The following ZNF76 variants were observed in gnomAD, a reference collection of about 807,000 sequenced individuals.
The protein encoded by ZNF76 is zinc finger protein 76.
In ZNF76, 66 loss-of-function variants were observed where a neutral mutation model predicts 66.9. That is an observed-to-expected ratio of 0.99 (90% CI 0.81 to 1.21). The LOEUF is 1.21. Among genes scored for constraint, ZNF76 ranks in the 50% most tolerant of loss-of-function variants. ZNF76 has a pLI of 0.00. For missense variants in ZNF76, 729 were observed against 760.3 expected, an observed-to-expected ratio of 0.96 and a Z score of 0.48; for synonymous variants, 275 against 296.1, an observed-to-expected ratio of 0.93 and a Z score of 0.73.
intron 13 of ZNF76, 158 bp downstream of exon 13, chr6:35,294,727 C>G (rs988714414): frequency 5.8e-6 from 4 of 688,250 alleles, no homozygotes; most frequent in Non-Finnish European, 1.0e-5. Context: ...ATGCATCTGT[C>G]TCAGGCTCGC....
rs914962242 is a variant in ZNF76 at position 35,286,111 on chromosome 6, A to G, written c.74-17A>G. 1.9e-6 allele frequency: 3 copies of G among 1,612,952 alleles called. No homozygotes were observed. Among genetic ancestry groups the G allele is most frequent in the Admixed American group, 1.7e-5 (1 of 60,002 alleles). ...TTCTGGTCCTGGCCCATTTCTCTCT[A>G]TTTCCACTCTTAACAGGAGAGAAGC... On this transcript the variant is annotated splice_polypyrimidine_tract_variant and intron_variant, in intron 2 of 13. Transcript: ENST00000373953.
intron 12 of ZNF76, 124 bp from the exon 13 acceptor site, chr6:35,294,332 C>T: frequency 1.4e-6 from 1 of 690,968 alleles, no homozygotes; most frequent in East Asian, 2.7e-5. Context: ...TAATCTGACC[C>T]ATACGGTTTT....
At chr6:35,291,208 T>C in intron 7 of ZNF76, 70 bp from the exon 8 acceptor site, 1 of 1,544,998 alleles carries the variant, frequency 6.5e-7, no homozygotes, top group South Asian at 1.2e-5. Flanking sequence ...AGCCTGTGCA[T>C]GAGGTGGACG....
At chr6:35,269,920 G>GCCTC (rs1786756897) in intron 1 of ZNF76, among the ~76,000 whole-genome samples, 2 of 152,086 alleles carry the variant, frequency 1.3e-5, no homozygotes, top group South Asian at 4.2e-4. Context: ...TTATAGAATG[G>GCCTC]CCTCCATGAA....
chr6:35,284,392 C>A (rs1789240381), intron 2 of ZNF76, among the ~76,000 whole-genome samples: 1 of 150,860 alleles, frequency 6.6e-6, no homozygotes, highest in African/African-American at 2.4e-5. Flanking sequence ...CCACACCCAG[C>A]CTTACTTTTT....
intron 4 of ZNF76, chr6:35,286,858 C>G (rs960752223): frequency 1.5e-5 from 3 of 205,938 alleles, no homozygotes; most frequent in African/African-American, 6.9e-5. Flanking sequence ...CAAAGTCAGA[C>G]ACAGTCCCCG....
At chr6:35,263,431 C>T (rs1785538880) in intron 1 of ZNF76, among the ~76,000 whole-genome samples, 1 of 152,214 alleles carries the variant, frequency 6.6e-6, no homozygotes, top group South Asian at 2.1e-4. Context: ...TCCCCAACCA[C>T]TGAAGTCTGA....
intron 1 of ZNF76, among the ~76,000 whole-genome samples, chr6:35,263,710 AC>A (rs1300290362): frequency 6.6e-6 from 1 of 151,710 alleles, no homozygotes; most frequent in Non-Finnish European, 1.5e-5. Flanking sequence ...ACTTTTCTCA[AC>A]CCCACTCTGT....
chr6:35,295,288 G>A lies in ZNF76; in HGVS notation c.*40G>A. 1.3e-6 allele frequency: 2 copies of A among 1,522,750 alleles called. No homozygotes were observed. The highest frequency in any genetic ancestry group is 1.2e-5 in the South Asian group (1 of 84,462). The allele number at this position is 1,522,750 out of a possible 1,614,324, so 94.3% of individuals were successfully genotyped here. On this transcript the variant is annotated 3_prime_UTR_variant, in exon 14 of 14. Coordinates refer to ENST00000373953, the MANE Select transcript of ZNF76 (RefSeq NM_003427.5). ...GGTCCCACACCATGCTGGAGGAAGT[G>A]CCATCTGCATGGCCACTCTTGCCCC...
intron 2 of ZNF76, among the ~76,000 whole-genome samples, chr6:35,284,863 A>G (rs1205134858): frequency 6.6e-6 from 1 of 151,800 alleles, no homozygotes; most frequent in Non-Finnish European, 1.5e-5. Flanking sequence ...GGCATGCACT[A>G]CTACATCCAG....
At chr6:35,261,173 G>C (rs1785197355) in intron 1 of ZNF76, among the ~76,000 whole-genome samples, 1 of 152,334 alleles carries the variant, frequency 6.6e-6, no homozygotes, top group Non-Finnish European at 1.5e-5. Flanking sequence ...AAAGCACCGG[G>C]CACCATGCCT....
chr6:35,260,237 CCT>C (rs1325262895), intron 1 of ZNF76, among the ~76,000 whole-genome samples: 1 of 152,046 alleles, frequency 6.6e-6, no homozygotes. Flanking sequence ...CTCACATGAC[CCT>C]GAGATCCCCA....
chr6:35,287,947 A>G lies in ZNF76; in HGVS notation c.432+102A>G. 1 of 1,348,706 alleles carries G rather than the reference A, an allele frequency of 7.4e-7. No homozygotes were observed. Among genetic ancestry groups the G allele is most frequent in the East Asian group, 2.5e-5 (1 of 39,996 alleles). 83.5% of individuals were successfully genotyped at this position (1,348,706 alleles called of 1,614,324 possible). A position where few individuals can be genotyped will look rare whatever the true frequency, so the allele number is the denominator to read the frequency against. The stretch of plus-strand genomic sequence containing the variant: ...CAGAACTTCACCTCTCAAGAGGACA[A>G]GGGCAGCCCTGTGCTTGGGCACCAT... On this transcript the variant is annotated intron_variant, in intron 5 of 13. Transcript: ENST00000373953. The surrounding 1 kb of genome is among the most constrained non-coding windows in gnomAD (Gnocchi z 4.0).
At position 35,274,361 on chromosome 6, in the gene ZNF76, A is replaced by C. The variant is rs547972824; in HGVS notation, c.-96-6695A>C. 3.3e-5 allele frequency among the ~76,000 whole-genome samples: 5 copies of C among 152,378 alleles called. No individual in the cohort carries two copies. In the South Asian group the frequency reaches 1.0e-3, roughly 32 times the overall value. ...CCAACTGTCCAGAGTTCTGGTTGGCAGAAGACAATAGAATAGCGAACAGGT... is the reference window on the plus strand; with the variant it reads ...CCAACTGTCCAGAGTTCTGGTTGGCCGAAGACAATAGAATAGCGAACAGGT... On this transcript the variant is annotated intron_variant, in intron 1 of 13. Transcript: ENST00000373953.
chr6:35,264,228 T>C (rs1218396335), intron 1 of ZNF76, among the ~76,000 whole-genome samples: 1 of 152,244 alleles, frequency 6.6e-6, no homozygotes. Context: ...TCTCCAAACA[T>C]GATAATGGGC....
chr6:35,275,141 C>G (rs750296385), intron 1 of ZNF76, among the ~76,000 whole-genome samples: 1 of 150,818 alleles, frequency 6.6e-6, no homozygotes, highest in Non-Finnish European at 1.5e-5. Context: ...GGCGTGAGAG[C>G]AAGACTCCAT....
At chr6:35,283,271 ACACT>A (rs1192305885) in intron 2 of ZNF76, among the ~76,000 whole-genome samples, 7 of 152,188 alleles carry the variant, frequency 4.6e-5, no homozygotes, top group Admixed American at 2.0e-4. Context: ...ATGCAAACAC[ACACT>A]CACTCACAAC....
At chr6:35,293,294 C>A (rs1435326010) in intron 11 of ZNF76, among the ~76,000 whole-genome samples, 1 of 152,208 alleles carries the variant, frequency 6.6e-6, no homozygotes, top group Non-Finnish European at 1.5e-5. Context: ...TGGAGGCTGA[C>A]AGGTCCTGTT....
In ZNF76 at chr6:35,288,015, C is replaced by A. The variant is rs571605306; in HGVS notation, c.432+170C>A. On this transcript the variant is annotated intron_variant, in intron 5 of 13. Transcript: ENST00000373953. ...CCCCTCCACCCCAGCTCCCCCAACTCACCTGTCACACATCATTGTCTAGGG... is the reference window on the plus strand; with the variant it reads ...CCCCTCCACCCCAGCTCCCCCAACTAACCTGTCACACATCATTGTCTAGGG... 10 of 756,962 alleles carry A rather than the reference C, an allele frequency of 1.3e-5. No homozygotes were observed. In the African/African-American group the frequency reaches 1.7e-4, roughly 13 times the overall value. 46.9% of individuals were successfully genotyped at this position (756,962 alleles called of 1,614,324 possible).
Sources: gnomAD v4.1 joint callset for allele counts (sites outside exome capture counted in the v4.1 genomes callset) on GRCh38, gnomAD v4.1.1 for gene constraint, Gnocchi (gnomAD v3.1) non-coding constraint, MANE v1.5 for transcripts, NCBI Gene and HGNC (gene_info 2026-07-23, HGNC 2026-07-21) for gene names.